Variants in NTRK2 observed in about 807,000 individuals in gnomAD.
The protein encoded by NTRK2 is neurotrophic receptor tyrosine kinase 2.
Under a neutral mutation model 94.5 loss-of-function variants are expected in NTRK2, and 13 were observed. The observed-to-expected ratio is 0.14, with a 90% CI of 0.09 to 0.22. NTRK2 has a LOEUF of 0.22. NTRK2 is among the 10% of genes least tolerant of loss of function. The pLI is 1.00. For synonymous variants in NTRK2, 372 were observed against 407.4 expected (o/e 0.91, Z 1.05); for missense variants, 639 against 1,071.2 (o/e 0.60, Z 5.63).
At chr9:84,958,843 G>C (rs1824511172) in intron 17 of NTRK2, among the ~76,000 whole-genome samples, 1 of 152,140 alleles carries the variant, frequency 6.6e-6, no homozygotes, top group African/African-American at 2.4e-5. Flanking sequence ...TGGTTCTTGG[G>C]AGATGTTTGC....
chr9:84,956,828 C>G (rs576489360), intron 17 of NTRK2, among the ~76,000 whole-genome samples: 1 of 138,378 alleles, frequency 7.2e-6, no homozygotes, highest in Non-Finnish European at 1.5e-5. Flanking sequence ...CTCCATTATT[C>G]TTCATTTGAC....
intron 14 of NTRK2, among the ~76,000 whole-genome samples, chr9:84,931,545 C>T (rs2078030354): frequency 6.6e-6 from 1 of 151,974 alleles, no homozygotes; most frequent in South Asian, 2.1e-4. Context: ...TAGCCCATTT[C>T]CTAAAGAAAA....
At chr9:84,849,822 G>T (rs1318496896) in intron 12 of NTRK2, among the ~76,000 whole-genome samples, 6 of 152,148 alleles carry the variant, frequency 3.9e-5, no homozygotes, top group Non-Finnish European at 7.3e-5. Flanking sequence ...CTACTATTTT[G>T]TGGGCATTTT....
intron 11 of NTRK2, among the ~76,000 whole-genome samples, chr9:84,749,265 G>A (rs1473991419): frequency 6.6e-6 from 1 of 152,038 alleles, no homozygotes; most frequent in African/African-American, 2.4e-5. Flanking sequence ...ATTTGCAGAA[G>A]CGTTTTTGGG....
chr9:84,971,663 TA>T (rs1826199131), intron 17 of NTRK2, among the ~76,000 whole-genome samples: 1 of 152,158 alleles, frequency 6.6e-6, no homozygotes, highest in East Asian at 1.9e-4. Context: ...TTTGTGATCA[TA>T]AAAGCAATGA....
intron 5 of NTRK2, among the ~76,000 whole-genome samples, chr9:84,708,125 A>G (rs1413906993): frequency 6.6e-6 from 1 of 152,212 alleles, no homozygotes; most frequent in East Asian, 1.9e-4. Flanking sequence ...TAGAAATCTC[A>G]GTAGTGACAT....
Position 84,670,934 on chromosome 9 carries a change from T to C in NTRK2, c.186T>C (p.Ser62=), listed in dbSNP as rs948040979. 6.2e-7 allele frequency: 1 copy of C among 1,606,592 alleles called. No individual in the cohort carries two copies. The highest frequency in any genetic ancestry group is 1.3e-5 in the African/African-American group (1 of 74,926). The part of the protein sequence containing the change: ...IVAFPRLEPN[S]VDPENITEIF... ...CATTTCCGAGATTGGAGCCTAACAG[T>C]GTAGATCCTGAGAACATCACCGAAA... The change falls in exon 2 of 19, where the codon AGT becomes AGC. Residue 62 remains serine, a synonymous_variant. Transcript: ENST00000277120.
chr9:84,887,645 G>T (rs557940383), intron 14 of NTRK2, among the ~76,000 whole-genome samples: 5 of 152,204 alleles, frequency 3.3e-5, no homozygotes, highest in Non-Finnish European at 5.9e-5. Flanking sequence ...CCAATGATCA[G>T]CTCAAGTCCA....
intron 10 of NTRK2, 49 bp from the exon 11 acceptor site, chr9:84,744,924 C>A (rs2132375090): frequency 7.7e-7 from 1 of 1,306,616 alleles, no homozygotes; most frequent in Non-Finnish European, 1.1e-6. Flanking sequence ...TTGTTGGCAG[C>A]TTAATGACAA....
chr9:84,934,042 C>T, intron 14 of NTRK2, 120 bp from the exon 15 acceptor site: 1 of 1,099,360 alleles, frequency 9.1e-7, no homozygotes. Context: ...CTTCGGTTCA[C>T]TGTGCACAGA....
chr9:84,691,252 C>G (rs947971832), intron 2 of NTRK2, among the ~76,000 whole-genome samples: 2 of 152,146 alleles, frequency 1.3e-5, no homozygotes, highest in African/African-American at 4.8e-5. Flanking sequence ...TATGAAAAAT[C>G]CAGAAGTAGC....
chr9:84,965,209 C>A (rs968256863), intron 17 of NTRK2, among the ~76,000 whole-genome samples: 1 of 152,226 alleles, frequency 6.6e-6, no homozygotes, highest in African/African-American at 2.4e-5. Flanking sequence ...TTTTCACATT[C>A]TCCCACAGTC....
intron 17 of NTRK2, among the ~76,000 whole-genome samples, chr9:84,979,638 C>T (rs1827335000): frequency 6.6e-6 from 1 of 152,116 alleles, no homozygotes; most frequent in Non-Finnish European, 1.5e-5. Context: ...GAGAATGACT[C>T]CAATTTTGAA....
At chr9:84,865,843 C>T (rs1258860808) in intron 13 of NTRK2, among the ~76,000 whole-genome samples, 4 of 152,164 alleles carry the variant, frequency 2.6e-5, no homozygotes, top group Non-Finnish European at 4.4e-5. Flanking sequence ...TTGTGCACCT[C>T]CCACGTAGAC....
intron 12 of NTRK2, chr9:84,814,589 T>C: frequency 9.4e-7 from 1 of 1,065,806 alleles, no homozygotes; most frequent in Non-Finnish European, 1.1e-6. Flanking sequence ...ACACAAGACC[T>C]GTGCTTTCTT....
intron 14 of NTRK2, among the ~76,000 whole-genome samples, chr9:84,895,033 A>G (rs1187781671): frequency 6.6e-6 from 1 of 152,190 alleles, no homozygotes; most frequent in Non-Finnish European, 1.5e-5. Flanking sequence ...AATAACCTAT[A>G]CAGCTTACCA....
chr9:84,957,302 A>G (rs369642153), intron 17 of NTRK2, among the ~76,000 whole-genome samples: 1 of 152,188 alleles, frequency 6.6e-6, no homozygotes, highest in Admixed American at 6.5e-5. Context: ...ATCAATAGAC[A>G]TACACTTCAT....
At position 84,752,764 on chromosome 9, in the gene NTRK2, C is replaced by G. The variant is rs575505783; in HGVS notation, c.1396+679C>G. Among the ~76,000 whole-genome samples the G allele has an allele frequency of 2.3e-3, 357 of 152,156 alleles. 1 individual carries two copies. Among genetic ancestry groups the G allele is most frequent in the Non-Finnish European group, 4.1e-3 (280 of 68,010 alleles). The stretch of plus-strand genomic sequence containing the variant: ...TTGTTACATAAAAAATGCCTTGGAG[C>G]AGTGATTTAATGATTTAAAACCATT... On this transcript the variant is annotated intron_variant, in intron 12 of 18. Transcript: ENST00000277120.
intron 14 of NTRK2, among the ~76,000 whole-genome samples, chr9:84,918,882 G>A (rs1241471188): frequency 6.6e-6 from 1 of 151,988 alleles, no homozygotes; most frequent in East Asian, 1.9e-4. Context: ...CTGCTTCTGG[G>A]CACTTTCATT....
Sources: allele counts gnomAD v4.1 joint callset (sites outside exome capture counted in the v4.1 genomes callset), GRCh38; gene constraint gnomAD v4.1.1; transcripts MANE v1.5; gene names NCBI Gene and HGNC (gene_info 2026-07-23, HGNC 2026-07-21).